SLC51A: variants seen among roughly 807,000 people sequenced by gnomAD.
SLC51A encodes the protein solute carrier family 51 member A, also known as organic solute transporter subunit alpha.
Under a neutral mutation model 34.8 loss-of-function variants are expected in SLC51A, and 22 were observed. The observed-to-expected ratio is 0.63, with a 90% CI of 0.45 to 0.90. SLC51A has a LOEUF of 0.90. Ranked by LOEUF, SLC51A falls within the 40% of genes least tolerant of loss-of-function variation. The probability of loss-of-function intolerance (pLI) is 0.00; values close to 1 mark genes in which losing one functional copy is unlikely to be tolerated. For missense variants in SLC51A, 371 were observed against 414.8 expected (o/e 0.89, Z 0.92); for synonymous variants, 181 against 176.3 (o/e 1.03, Z -0.21).
At chr3:196,218,019 C>A in intron 2 of SLC51A, 83 bp downstream of exon 2, 2 of 1,259,962 alleles carry the variant, frequency 1.6e-6, no homozygotes, top group South Asian at 2.5e-5. Context: ...CGGCCCTGAG[C>A]TGGTGCACCT....
In SLC51A at chr3:196,233,181, C is replaced by T. The variant is rs1724066137; in HGVS notation, c.1005C>T (p.Asp335=). 1.9e-6 allele frequency: 3 copies of T among 1,614,116 alleles called. No homozygotes were observed. In the African/African-American group the frequency reaches 4.0e-5, roughly 22 times the overall value. The part of the protein sequence containing the change: ...GYETFSSPDL[D]LNLKA ...AAACTTTCTCTTCTCCAGACCTGGA[C>T]TTGAACCTCAAAGCCTAAGGTGGAT... The change falls in exon 9 of 9, where the codon GAC becomes GAT. Residue 335 remains aspartate (D), a synonymous_variant. Transcript: ENST00000296327.
chr3:196,221,924 TAGTC>T (rs1397037777), intron 2 of SLC51A, among the ~76,000 whole-genome samples: 1 of 151,230 alleles, frequency 6.6e-6, no homozygotes, highest in Non-Finnish European at 1.5e-5. Context: ...TTCACCGTGT[TAGTC>T]AGGATGGTCT....
intron 8 of SLC51A, 45 bp downstream of exon 8, chr3:196,232,569 G>A (rs767268735): frequency 6.5e-5 from 98 of 1,498,000 alleles, no homozygotes; most frequent in East Asian, 1.6e-4. Context: ...TGGATGAGAC[G>A]GGGAGAGTCA....
chr3:196,228,319 C>A lies in SLC51A; in HGVS notation c.521+46C>A. On this transcript the variant is annotated intron_variant, in intron 5 of 8. Coordinates refer to ENST00000296327, the MANE Select transcript of SLC51A (RefSeq NM_152672.6). This position sits in a 1 kb window ranked among gnomAD's most constrained non-coding sequence, Gnocchi z 4.9. Reference sequence around the variant, plus strand: ...CTTCCCCAGGAGCCGGGGAGCCTCTCCTGGACCCCTGGTCCCCTTCAAGGC... The same window carrying A: ...CTTCCCCAGGAGCCGGGGAGCCTCTACTGGACCCCTGGTCCCCTTCAAGGC... 1 of 1,576,374 alleles carries A rather than the reference C, an allele frequency of 6.3e-7. No homozygotes were observed. The highest frequency in any genetic ancestry group is 8.6e-7 in the Non-Finnish European group (1 of 1,165,778).
chr3:196,226,080 A>G (rs2108755325), intron 2 of SLC51A, among the ~76,000 whole-genome samples: 1 of 151,996 alleles, frequency 6.6e-6, no homozygotes, highest in Admixed American at 6.6e-5. Flanking sequence ...ACTTTGGGAG[A>G]CCAGGGTGGA....
At chr3:196,220,124 G>C (rs2060698921) in intron 2 of SLC51A, among the ~76,000 whole-genome samples, 1 of 152,242 alleles carries the variant, frequency 6.6e-6, no homozygotes, top group African/African-American at 2.4e-5. Context: ...GGGGACAATT[G>C]AGAGGGCCGG....
intron 2 of SLC51A, among the ~76,000 whole-genome samples, chr3:196,220,068 A>C (rs1723706080): frequency 1.3e-5 from 2 of 152,206 alleles, no homozygotes. Context: ...CCCCAGGCCC[A>C]GGGGAGCGAG....
intron 7 of SLC51A, among the ~76,000 whole-genome samples, chr3:196,230,923 T>C (rs1724017714): frequency 6.6e-6 from 1 of 152,226 alleles, no homozygotes; most frequent in East Asian, 1.9e-4. Context: ...GACTTCAACA[T>C]AGCTTTTTGG....
chr3:196,224,607 T>TGGA (rs1308140121), intron 2 of SLC51A, among the ~76,000 whole-genome samples: 2 of 140,738 alleles, frequency 1.4e-5, no homozygotes, highest in African/African-American at 5.4e-5. Context: ...ACCTGGGAGG[T>TGGA]GGAGGCTGCA....
intron 6 of SLC51A, among the ~76,000 whole-genome samples, chr3:196,229,175 G>A (rs183761187): frequency 7.2e-5 from 11 of 152,120 alleles, no homozygotes; most frequent in Non-Finnish European, 1.5e-4. Context: ...TCACGAGGCC[G>A]AGGTGGGAGG....
At chr3:196,226,090 A>G (rs58021463) in intron 2 of SLC51A, among the ~76,000 whole-genome samples, 55,176 of 152,000 alleles carry the variant, frequency 0.36, 11,274 homozygotes, top group East Asian at 0.87. Context: ...ACCAGGGTGG[A>G]AGGACTGCTT....
At chr3:196,221,918 C>G (rs1001971259) in intron 2 of SLC51A, among the ~76,000 whole-genome samples, 2 of 151,194 alleles carry the variant, frequency 1.3e-5, no homozygotes, top group Non-Finnish European at 3.0e-5. Context: ...CGGGGTTTCA[C>G]CGTGTTAGTC....
chr3:196,220,908 G>C (rs902256769), intron 2 of SLC51A, among the ~76,000 whole-genome samples: 1 of 55,620 alleles, frequency 1.8e-5, no homozygotes, highest in African/African-American at 6.8e-5. Flanking sequence ...TTTTTTTTTT[G>C]AGACAGGGTC....
intron 2 of SLC51A, among the ~76,000 whole-genome samples, chr3:196,223,473 G>T (rs1723816113): frequency 6.6e-6 from 1 of 151,712 alleles, no homozygotes; most frequent in Non-Finnish European, 1.5e-5. Flanking sequence ...TTTTCACGGA[G>T]CAGGGAGCAG....
intron 2 of SLC51A, among the ~76,000 whole-genome samples, chr3:196,221,263 AAG>A (rs1016655730): frequency 6.6e-6 from 1 of 152,058 alleles, no homozygotes; most frequent in Non-Finnish European, 1.5e-5. Context: ...ATTTAAAAAA[AAG>A]AGAGAGAGAA....
At position 196,216,574 on chromosome 3, in the gene SLC51A, G is replaced by A. The variant is rs1335645898; in HGVS notation, c.-139G>A. The A allele has an allele frequency of 2.5e-5, 21 of 853,878 alleles. No homozygotes were observed. In the East Asian group the frequency reaches 4.2e-4, roughly 17 times the overall value. 52.9% of individuals were successfully genotyped at this position (853,878 alleles called of 1,614,324 possible). Reference sequence around the variant, plus strand: ...CCCGGGAAGCTCAAGGAGGGAGAGCGGCAGAGGGGAAGACTCTGCAATTCT... The same window carrying A: ...CCCGGGAAGCTCAAGGAGGGAGAGCAGCAGAGGGGAAGACTCTGCAATTCT... On this transcript the variant is annotated 5_prime_UTR_variant, in exon 1 of 9. Transcript: ENST00000296327. The surrounding 1 kb of genome is among the most constrained non-coding windows in gnomAD (Gnocchi z 4.5).
Position 196,228,728 on chromosome 3 carries a change from AG to A in SLC51A, c.522-79del. 8.5e-7 allele frequency: 1 copy of A among 1,181,204 alleles called. No individual in the cohort carries two copies. Among genetic ancestry groups the A allele is most frequent in the Admixed American group, 1.7e-5 (1 of 58,894 alleles). 73.2% of individuals were successfully genotyped at this position (1,181,204 alleles called of 1,614,324 possible). A position where few individuals can be genotyped will look rare whatever the true frequency, so the allele number is the denominator to read the frequency against. On this transcript the variant is annotated intron_variant, in intron 5 of 8. Coordinates refer to ENST00000296327, the MANE Select transcript of SLC51A (RefSeq NM_152672.6). The surrounding 1 kb of genome is among the most constrained non-coding windows in gnomAD (Gnocchi z 4.9). Reference sequence around the variant, plus strand: ...TATGACAGCAGCCGAGCCTCAGCCCAGGAGCCCTGTGAGGAGCCGGGGCGTC... The same window carrying A: ...TATGACAGCAGCCGAGCCTCAGCCCAGAGCCCTGTGAGGAGCCGGGGCGTC...
rs748132529 is a variant in SLC51A at position 196,221,969 on chromosome 3, C to T, written c.133+4033C>T. ...TCCTGACCTCGTGATCCGCCCGCCT[C>T]GGCCTCCCAATGTGCTGGGATGACA... is the stretch of plus-strand genomic sequence containing the variant. On this transcript the variant is annotated intron_variant, in intron 2 of 8. Coordinates refer to ENST00000296327, the MANE Select transcript of SLC51A (RefSeq NM_152672.6). 1.4e-4 allele frequency among the ~76,000 whole-genome samples: 22 copies of T among 152,212 alleles called. No homozygotes were observed. In the East Asian group the frequency reaches 3.9e-3, roughly 27 times the overall value.
chr3:196,219,063 T>G (rs1452117726), intron 2 of SLC51A, among the ~76,000 whole-genome samples: 1 of 151,980 alleles, frequency 6.6e-6, no homozygotes, highest in African/African-American at 2.4e-5. Flanking sequence ...CCGTCTCTAC[T>G]GAAAATACAA....
Sources: gnomAD v4.1 joint callset for allele counts (sites outside exome capture counted in the v4.1 genomes callset) on GRCh38, gnomAD v4.1.1 for gene constraint, Gnocchi (gnomAD v3.1) non-coding constraint, MANE v1.5 for transcripts, NCBI Gene and HGNC (gene_info 2026-07-23, HGNC 2026-07-21) for gene names.